Variants in LOXL3 observed in about 807,000 individuals in gnomAD.
LOXL3 encodes lysyl oxidase like 3, also known as lysyl oxidase homolog 3.
Under a neutral mutation model 91.8 loss-of-function variants are expected in LOXL3, and 60 were observed. The ratio of observed to expected loss-of-function variants is 0.65; its 90% CI spans 0.53 to 0.81. The LOEUF (loss-of-function observed/expected upper bound fraction) is 0.81, where lower values mean the gene tolerates loss of function less well. Among genes scored for constraint, LOXL3 ranks in the 30% least tolerant of loss-of-function variants. LOXL3 has a pLI of 0.00. For missense variants in LOXL3, 874 were observed against 1,000.4 expected (o/e 0.87, Z 1.70); for synonymous variants, 355 against 387.6 (o/e 0.92, Z 0.99).
intron 9 of LOXL3, 107 bp from the exon 10 acceptor site, chr2:74,534,881 G>T (rs1675905922): frequency 8.0e-7 from 1 of 1,243,204 alleles, no homozygotes; most frequent in Non-Finnish European, 1.1e-6. Flanking sequence ...TTTTGTTTTT[G>T]TTTGTTTGTT....
At chr2:74,555,439 C>G (rs1241028879), upstream of LOXL3, 2 of 1,609,554 alleles carry the variant, frequency 1.2e-6, no homozygotes, top group Middle Eastern at 1.7e-4. The surrounding 1 kb of genome is among the most constrained non-coding windows in gnomAD (Gnocchi z 6.1). Context: ...GACGCTGTGC[C>G]GAAACGCCTT....
rs1440293220 is a variant in LOXL3, at chr2:74,534,724, T to G, written c.1630A>C (p.Ile544Leu). 3 of 1,614,178 alleles carry G rather than the reference T, an allele frequency of 1.9e-6. No individual in the cohort carries two copies. Among genetic ancestry groups the G allele is most frequent in the Admixed American group, 1.7e-5 (1 of 60,034 alleles). ...AACATATGCAGGGGCCGGTCTTCGA[T>G]GTAGGCGGTCTCCTGCACCAGTGCT... is the stretch of plus-strand genomic sequence containing the variant. ...HSALVQETAYIEDRPLHMLYC... is the reference protein window; with the variant it reads ...HSALVQETAYLEDRPLHMLYC... Residue 544 changes from isoleucine to leucine, a missense_variant, in exon 10 of 14, where the codon ATC becomes CTC. Transcript: ENST00000264094.
In LOXL3 at chr2:74,534,226, C is replaced by T; in HGVS notation, c.1950G>A (p.Lys650=). The change falls in exon 12 of 14, where the codon AAG becomes AAA. Residue 650 remains lysine (K), a synonymous_variant. Coordinates refer to ENST00000264094, the MANE Select transcript of LOXL3 (RefSeq NM_032603.5). Reference sequence around the variant, plus strand: ...CTCCAAAGTTGGCACACTCATACCGCTTGGAGACATCTGGAGGGATTGGCA... The same window carrying T: ...CTCCAAAGTTGGCACACTCATACCGTTTGGAGACATCTGGAGGGATTGGCA... The part of the protein sequence containing the change: ...EDTECQEDVS[K]RYECANFGEQ... 6.2e-7 allele frequency: 1 copy of T among 1,614,184 alleles called. No homozygotes were observed. Among genetic ancestry groups the T allele is most frequent in the Non-Finnish European group, 8.5e-7 (1 of 1,180,046 alleles).
At chr2:74,543,820 G>A (rs1230180621) in intron 4 of LOXL3, among the ~76,000 whole-genome samples, 1 of 141,374 alleles carries the variant, frequency 7.1e-6, no homozygotes, top group Non-Finnish European at 1.5e-5. Context: ...AGAATTGCTT[G>A]AACCCAGGAG....
At position 74,535,234 on chromosome 2, in the gene LOXL3, C is replaced by A; in HGVS notation, c.1579+58G>T. On this transcript the variant is annotated intron_variant, in intron 9 of 13. Transcript: ENST00000264094. This position sits in a 1 kb window ranked among gnomAD's most constrained non-coding sequence, Gnocchi z 4.2. ...TCCAGATTACAGCCCCCTTTCCCTGCAAACGGGTGGCCCAGACACTCCCTT... is the reference window on the plus strand; with the variant it reads ...TCCAGATTACAGCCCCCTTTCCCTGAAAACGGGTGGCCCAGACACTCCCTT... The A allele has an allele frequency of 6.4e-7, 1 of 1,552,266 alleles. No homozygotes were observed. The highest frequency in any genetic ancestry group is 8.7e-7 in the Non-Finnish European group (1 of 1,148,492).
intron 9 of LOXL3, 38 bp from the exon 10 acceptor site, chr2:74,534,812 C>G (rs1463513322): frequency 6.3e-7 from 1 of 1,594,702 alleles, no homozygotes; most frequent in African/African-American, 1.3e-5. Context: ...GAAGTCACTG[C>G]TGACTTCACA....
intron 9 of LOXL3, 132 bp from the exon 10 acceptor site, chr2:74,534,906 T>G: frequency 2.2e-5 from 22 of 1,015,488 alleles, no homozygotes; most frequent in South Asian, 3.3e-5. Flanking sequence ...TGAGATGGAG[T>G]CTCACTCTGT....
intron 2 of LOXL3, 95 bp downstream of exon 2, chr2:74,552,227 G>T (rs1229677100): frequency 8.8e-7 from 1 of 1,136,166 alleles, no homozygotes; most frequent in Non-Finnish European, 1.3e-6. Flanking sequence ...TCTTGGTGTC[G>T]TGTGTCCCTA....
At chr2:74,542,982 A>G (rs1676406971) in intron 4 of LOXL3, among the ~76,000 whole-genome samples, 1 of 151,864 alleles carries the variant, frequency 6.6e-6, no homozygotes. Flanking sequence ...TCACTCTGCA[A>G]ACTTCTATTT....
In LOXL3 at chr2:74,535,736, C is replaced by T. The variant is rs763157434; in HGVS notation, c.1268G>A (p.Arg423His). The T allele has an allele frequency of 1.6e-5, 25 of 1,581,024 alleles. No homozygotes were observed. The highest frequency in any genetic ancestry group is 2.7e-5 in the African/African-American group (2 of 73,022). The change falls in exon 8 of 14, where the codon CGC becomes CAC. Residue 423 changes from arginine to histidine, a missense_variant. By Grantham distance (29) the Arg-to-His change is conservative (BLOSUM62 0). Transcript: ENST00000264094. This position sits in a 1 kb window ranked among gnomAD's most constrained non-coding sequence, Gnocchi z 4.2. ...AETRIRLSGG[R>H]SQHEGRVEVQ... The stretch of plus-strand genomic sequence containing the variant: ...CTCGACTCGCCCCTCATGTTGGCTG[C>T]GGCCCCCACTGAGTCGGATCTGTAG...
At chr2:74,552,739 G>T in intron 1 of LOXL3, 93 bp from the exon 2 acceptor site, 1 of 1,111,404 alleles carries the variant, frequency 9.0e-7, no homozygotes, top group South Asian at 1.6e-5. Context: ...AAGAAAAACA[G>T]ACACTGAGTA....
Position 74,535,339 on chromosome 2 carries a change from C to G in LOXL3, c.1532G>C (p.Cys511Ser). Residue 511 changes from cysteine to serine, a missense_variant, in exon 9 of 14, where the codon TGC becomes TCC. By Grantham distance (112) the Cys-to-Ser change is moderately radical. Transcript: ENST00000264094. The surrounding 1 kb of genome is among the most constrained non-coding windows in gnomAD (Gnocchi z 4.2). ...QCAHHGTHIT[C>S]KRTGTRFTAG... is the part of the protein sequence containing the mutation. ...AGTGAAGCGGGTCCCTGTCCTCTTG[C>G]AGGTGATGTGGGTGCCATGATGGGC... The G allele has an allele frequency of 1.2e-6, 2 of 1,614,088 alleles. No homozygotes were observed. The highest frequency in any genetic ancestry group is 8.5e-7 in the Non-Finnish European group (1 of 1,180,014).
chr2:74,552,140 A>G (rs1472991283), intron 2 of LOXL3, among the ~76,000 whole-genome samples, 182 bp downstream of exon 2: 1 of 152,226 alleles, frequency 6.6e-6, no homozygotes, highest in East Asian at 1.9e-4. Flanking sequence ...AGCACTGACT[A>G]GCCTAAGGTC....
At chr2:74,545,171 C>T (rs1004227201) in intron 4 of LOXL3, among the ~76,000 whole-genome samples, 16 of 152,178 alleles carry the variant, frequency 1.1e-4, no homozygotes, top group African/African-American at 3.6e-4. Flanking sequence ...CAGGCAGCAT[C>T]GGAATCATTT....
In LOXL3 at chr2:74,552,327, C is replaced by T. The variant is rs1677068611; in HGVS notation, c.308G>A (p.Gly103Glu). 1 of 1,597,370 alleles carries T rather than the reference C, an allele frequency of 6.3e-7. No homozygotes were observed. The highest frequency in any genetic ancestry group is 1.3e-5 in the African/African-American group (1 of 74,668). Residue 103 changes from glycine to glutamate, a missense_variant, in exon 2 of 14, where the codon GGA becomes GAA. Physicochemically the swap from Gly to Glu is moderately conservative, Grantham distance 98. Transcript: ENST00000264094. Reference protein sequence around the residue: ...GWTHSAKYGPGTGRIWLDNLS... With the variant: ...GWTHSAKYGPETGRIWLDNLS... ...ATGCCTGGATCATTGCTCACCTGTT[C>T]CAGGGCCATATTTGGCACTGTGGGT...
intron 1 of LOXL3, among the ~76,000 whole-genome samples, chr2:74,553,270 A>G (rs1260029361): frequency 6.6e-6 from 1 of 152,134 alleles, no homozygotes; most frequent in Non-Finnish European, 1.5e-5. Flanking sequence ...ATGGGAGCCC[A>G]GAGTCCTAAC....
At chr2:74,540,651 T>G (rs930397590) in intron 4 of LOXL3, among the ~76,000 whole-genome samples, 1 of 149,850 alleles carries the variant, frequency 6.7e-6, no homozygotes, top group African/African-American at 2.5e-5. Flanking sequence ...TCCAGGGAAA[T>G]AAATAATTTT....
In LOXL3 at chr2:74,536,307, G is replaced by A. The variant is rs752476018; in HGVS notation, c.1077C>T (p.Gly359=). The change falls in exon 6 of 14, where the codon GGC becomes GGT. Residue 359 remains glycine, a synonymous_variant. Transcript: ENST00000264094. The surrounding 1 kb of genome is among the most constrained non-coding windows in gnomAD (Gnocchi z 4.5). ...GFGSAREALS[G]ARMGQGMGAI... Reference sequence around the variant, plus strand: ...CCACCTCACCCTGCCCCATGCGAGCGCCACTCAGAGCTTCTCGAGCACTCC... The same window carrying A: ...CCACCTCACCCTGCCCCATGCGAGCACCACTCAGAGCTTCTCGAGCACTCC... The A allele has an allele frequency of 1.6e-5, 26 of 1,613,316 alleles. No homozygotes were observed. Among genetic ancestry groups the A allele is most frequent in the Non-Finnish European group, 1.9e-5 (23 of 1,179,938 alleles).
Position 74,532,510 on chromosome 2 carries a change from C to A in LOXL3, c.*1096G>T. On this transcript the variant is annotated 3_prime_UTR_variant, in exon 14 of 14. Transcript: ENST00000264094. ...GCCATTGTATTTTGTAGTACCTAGC[C>A]CATGTCCTGTCCATATATTTATCAA... The A allele has an allele frequency of 6.0e-6, 5 of 826,882 alleles. No homozygotes were observed. Among genetic ancestry groups the A allele is most frequent in the South Asian group, 1.4e-5 (1 of 69,822 alleles). 51.2% of individuals were successfully genotyped at this position (826,882 alleles called of 1,614,324 possible). A position where few individuals can be genotyped will look rare whatever the true frequency, so the allele number is the denominator to read the frequency against.
Sources: gnomAD v4.1 joint callset for allele counts (sites outside exome capture counted in the v4.1 genomes callset) on GRCh38, gnomAD v4.1.1 for gene constraint, Gnocchi (gnomAD v3.1) non-coding constraint, MANE v1.5 for transcripts, NCBI Gene and HGNC (gene_info 2026-07-23, HGNC 2026-07-21) for gene names.